The following RIMS2 variants were observed in gnomAD, a reference collection of about 807,000 sequenced individuals.
RIMS2 encodes the protein regulating synaptic membrane exocytosis protein 2.
Under a neutral mutation model 174.4 loss-of-function variants are expected in RIMS2, and 59 were observed. The observed-to-expected ratio is 0.34, with a 90% CI of 0.27 to 0.42. The LOEUF is 0.42. Ranked by LOEUF, RIMS2 falls within the 10% of genes least tolerant of loss-of-function variation. The probability of loss-of-function intolerance (pLI) is 1.00; values close to 1 mark genes in which losing one functional copy is unlikely to be tolerated. For missense variants in RIMS2, 1,620 were observed against 1,666.3 expected (o/e 0.97, Z 0.48); for synonymous variants, 606 against 572.5 (o/e 1.06, Z -0.84).
intron 1 of RIMS2, among the ~76,000 whole-genome samples, chr8:103,618,177 C>T (rs1352894151): frequency 6.6e-6 from 1 of 152,044 alleles, no homozygotes; most frequent in Non-Finnish European, 1.5e-5. Context: ...AAGATCATAT[C>T]TTTTGCAGGA....
intron 3 of RIMS2, among the ~76,000 whole-genome samples, chr8:103,767,165 A>G (rs529119351): frequency 6.7e-6 from 1 of 149,074 alleles, no homozygotes; most frequent in Admixed American, 6.8e-5. Flanking sequence ...AGAATAAAGG[A>G]TTTTGATGGG....
intron 19 of RIMS2, among the ~76,000 whole-genome samples, chr8:104,241,581 C>T (rs566668073): frequency 5.9e-5 from 9 of 152,048 alleles, no homozygotes; most frequent in Non-Finnish European, 8.8e-5. Flanking sequence ...CTTTCTAAGT[C>T]GTATGTTTCT....
At chr8:103,601,075 C>T (rs28881919) in intron 1 of RIMS2, among the ~76,000 whole-genome samples, 1,775 of 152,174 alleles carry the variant, frequency 0.012, 34 homozygotes, top group African/African-American at 0.039. Context: ...TTTCCTATAG[C>T]GTTGTTTGAG....
At chr8:103,797,664 G>A (rs147602259) in intron 3 of RIMS2, among the ~76,000 whole-genome samples, 15 of 152,216 alleles carry the variant, frequency 9.9e-5, no homozygotes, top group Non-Finnish European at 1.8e-4. Flanking sequence ...TTTAGTGTTC[G>A]ATTTTTTCTT....
intron 19 of RIMS2, among the ~76,000 whole-genome samples, chr8:104,055,781 T>A (rs2096858490): frequency 6.6e-6 from 1 of 152,190 alleles, no homozygotes; most frequent in African/African-American, 2.4e-5. Flanking sequence ...AAGAGCAGTC[T>A]GGGACTCTTT....
intron 19 of RIMS2, among the ~76,000 whole-genome samples, chr8:104,078,812 C>T (rs1185032876): frequency 6.6e-6 from 1 of 152,100 alleles, no homozygotes; most frequent in Admixed American, 6.6e-5. Context: ...TTCTCTATTT[C>T]TTCCTATTTT....
Position 104,157,811 on chromosome 8 carries a change from C to T in RIMS2, c.3335-87105C>T, listed in dbSNP as rs570799069. On this transcript the variant is annotated intron_variant, in intron 19 of 23. Transcript: ENST00000504942. ...GTACAAATATTTCTAACAGGCCCTC[C>T]TTTCAATTATTTTGGGGATATACCC... 9.2e-5 allele frequency among the ~76,000 whole-genome samples: 14 copies of T among 152,276 alleles called. No individual in the cohort carries two copies. In the South Asian group the frequency reaches 2.9e-3, roughly 32 times the overall value.
At chr8:103,566,467 C>A (rs189280939) in intron 1 of RIMS2, among the ~76,000 whole-genome samples, 2 of 152,294 alleles carry the variant, frequency 1.3e-5, no homozygotes, top group African/African-American at 4.8e-5. Context: ...CCAAAGACTT[C>A]CTACTTTGTT....
chr8:104,026,402 T>G (rs1287211875), intron 19 of RIMS2, among the ~76,000 whole-genome samples: 1 of 152,212 alleles, frequency 6.6e-6, no homozygotes, highest in Non-Finnish European at 1.5e-5. Context: ...CATTATTGTT[T>G]GTTAATTTTG....
chr8:103,656,502 T>A (rs1344308250), intron 1 of RIMS2, among the ~76,000 whole-genome samples: 1 of 152,136 alleles, frequency 6.6e-6, no homozygotes, highest in African/African-American at 2.4e-5. Flanking sequence ...AAAAAGACTG[T>A]GGTTCCTACT....
intron 1 of RIMS2, among the ~76,000 whole-genome samples, chr8:103,523,165 T>C (rs916973319): frequency 6.6e-6 from 1 of 150,728 alleles, no homozygotes; most frequent in African/African-American, 2.4e-5. Flanking sequence ...GAGAGAAAAA[T>C]GGGAGAAGCA....
intron 1 of RIMS2, among the ~76,000 whole-genome samples, chr8:103,611,834 T>G (rs1336642310): frequency 6.6e-6 from 1 of 152,130 alleles, no homozygotes; most frequent in African/African-American, 2.4e-5. Flanking sequence ...TTTGGGTAGT[T>G]CTCTGATATT....
intron 3 of RIMS2, among the ~76,000 whole-genome samples, chr8:103,815,183 A>C (rs2098711356): frequency 6.6e-6 from 1 of 152,142 alleles, no homozygotes; most frequent in Admixed American, 6.5e-5. Context: ...ACATTTAAAA[A>C]CCTGAGATAT....
At chr8:103,916,222 C>G (rs1286046444) in intron 7 of RIMS2, among the ~76,000 whole-genome samples, 192 bp from the exon 11 acceptor site, 3 of 151,990 alleles carry the variant, frequency 2.0e-5, no homozygotes, top group Non-Finnish European at 2.9e-5. Context: ...GATCATTGTC[C>G]TTTCCTGTGA....
chr8:103,912,850 G>T (rs529870736), intron 6 of RIMS2, among the ~76,000 whole-genome samples: 1 of 151,924 alleles, frequency 6.6e-6, no homozygotes, highest in South Asian at 2.1e-4. Flanking sequence ...GGGTGTCATG[G>T]TTCATGCCTG....
At chr8:103,723,880 C>G (rs1199133202) in intron 2 of RIMS2, among the ~76,000 whole-genome samples, 1 of 152,136 alleles carries the variant, frequency 6.6e-6, no homozygotes, top group Non-Finnish European at 1.5e-5. Context: ...TATGGGCCTA[C>G]AGCCTGAGTT....
chr8:103,783,531 T>C (rs1349262243), intron 3 of RIMS2, among the ~76,000 whole-genome samples: 1 of 151,932 alleles, frequency 6.6e-6, no homozygotes, highest in African/African-American at 2.4e-5. Context: ...TTTGGTTTTT[T>C]GTTCTTGCGA....
At chr8:103,627,155 C>T (rs994305842) in intron 1 of RIMS2, among the ~76,000 whole-genome samples, 1 of 152,116 alleles carries the variant, frequency 6.6e-6, no homozygotes, top group Non-Finnish European at 1.5e-5. Context: ...TGCATTCCTT[C>T]CCCAGGGTTT....
At chr8:103,523,767 A>AT (rs555185842) in intron 1 of RIMS2, among the ~76,000 whole-genome samples, 67 of 150,740 alleles carry the variant, frequency 4.4e-4, no homozygotes, top group African/African-American at 1.5e-3. Flanking sequence ...AAGACTTGTG[A>AT]TTTTTTTTTC....
Sources: allele counts gnomAD v4.1 joint callset (sites outside exome capture counted in the v4.1 genomes callset), GRCh38; gene constraint gnomAD v4.1.1; transcripts MANE v1.5; gene names NCBI Gene and HGNC (gene_info 2026-07-23, HGNC 2026-07-21).